SYBU: variants seen among roughly 807,000 people sequenced by gnomAD.
The protein encoded by SYBU is syntabulin, also known as GOLSYN A protein.
A neutral mutation model predicts 35.9 loss-of-function variants in SYBU; 21 were observed. The observed-to-expected ratio is 0.58, with a 90% CI of 0.41 to 0.84. The LOEUF is 0.84. Ranked by LOEUF, SYBU falls within the 40% of genes least tolerant of loss-of-function variation. The pLI, the probability that SYBU is intolerant of heterozygous loss-of-function variation, is 0.00. For missense variants in SYBU, 768 were observed against 848.2 expected, an observed-to-expected ratio of 0.91 and a Z score of 1.17; for synonymous variants, 319 against 324.3, an observed-to-expected ratio of 0.98 and a Z score of 0.18.
chr8:109,627,305 T>C (rs894452071), intron 2 of SYBU, among the ~76,000 whole-genome samples: 3 of 152,234 alleles, frequency 2.0e-5, no homozygotes, highest in Non-Finnish European at 4.4e-5. Context: ...GACACTAATA[T>C]AGCTCTTATT....
chr8:109,595,317 G>A (rs1274707225), intron 3 of SYBU, among the ~76,000 whole-genome samples: 1 of 152,208 alleles, frequency 6.6e-6, no homozygotes, highest in Non-Finnish European at 1.5e-5. Context: ...ATAAGTCAGT[G>A]AGTAAATCCT....
chr8:109,654,822 C>T (rs1816289223), intron 1 of SYBU, among the ~76,000 whole-genome samples: 2 of 152,336 alleles, frequency 1.3e-5, no homozygotes, highest in South Asian at 4.1e-4. Context: ...CTTAACTTTT[C>T]TGTCTCCCCT....
chr8:109,667,868 G>T (rs1279448280), intron 1 of SYBU, among the ~76,000 whole-genome samples: 5 of 152,074 alleles, frequency 3.3e-5, no homozygotes, highest in Non-Finnish European at 5.9e-5. Flanking sequence ...TGAAAAATTT[G>T]AACAGTTTAA....
At chr8:109,610,119 A>G (rs188999536) in intron 3 of SYBU, among the ~76,000 whole-genome samples, 1 of 152,216 alleles carries the variant, frequency 6.6e-6, no homozygotes, top group Admixed American at 6.5e-5. Context: ...AGCACGGAAC[A>G]ATAAGGTTAA....
chr8:109,577,897 C>T lies in SYBU; in HGVS notation c.855G>A (p.Leu285=), dbSNP rs747900124. ...CATGGAGTCGGCGCTCAGATTCCTT[C>T]AGCTTGGTTTTGAGGTGTCTCACTG... ...EVTVRHLKTK[L]KESERRLHER... Residue 285 remains leucine, a synonymous_variant, in exon 6 of 7, where the codon CTG becomes CTA. Coordinates refer to ENST00000276646, the MANE Select transcript of SYBU (RefSeq NM_001099754.2). 6.2e-7 allele frequency: 1 copy of T among 1,613,660 alleles called. No homozygotes were observed. Among genetic ancestry groups the T allele is most frequent in the South Asian group, 1.1e-5 (1 of 90,898 alleles).
At chr8:109,580,146 C>T (rs574093972) in intron 4 of SYBU, 144 bp from the exon 5 acceptor site, 11 of 704,342 alleles carry the variant, frequency 1.6e-5, no homozygotes, top group South Asian at 1.5e-4. Context: ...TCCTTAGGAG[C>T]GGCCTTCTTC....
intron 2 of SYBU, among the ~76,000 whole-genome samples, chr8:109,621,623 C>T (rs1272266759): frequency 1.3e-5 from 2 of 152,182 alleles, no homozygotes; most frequent in African/African-American, 4.8e-5. Context: ...AACCAGCCCA[C>T]AGGCATTGTA....
At chr8:109,684,196 G>A (rs1265998424), upstream of SYBU, among the ~76,000 whole-genome samples, 1 of 152,104 alleles carries the variant, frequency 6.6e-6, no homozygotes, top group East Asian at 1.9e-4. Context: ...CAGAACTATT[G>A]GGCTTAGTTA....
chr8:109,683,673 T>A (rs189965605), upstream of SYBU, among the ~76,000 whole-genome samples: 2 of 151,990 alleles, frequency 1.3e-5, no homozygotes, highest in Middle Eastern at 3.4e-3. Flanking sequence ...GACATGAGAT[T>A]TGGGAGGGGC....
At chr8:109,631,556 C>T (rs898968140) in intron 2 of SYBU, among the ~76,000 whole-genome samples, 1 of 152,160 alleles carries the variant, frequency 6.6e-6, no homozygotes, top group Admixed American at 6.5e-5. Flanking sequence ...GAACACGGGC[C>T]GAGTACTTGG....
At chr8:109,580,097 T>C (rs1391995404) in intron 4 of SYBU, 95 bp from the exon 5 acceptor site, 2 of 1,223,142 alleles carry the variant, frequency 1.6e-6, no homozygotes, top group Non-Finnish European at 2.4e-6. Context: ...ATCCAATTTA[T>C]AGAGTTGAAA....
chr8:109,618,589 C>T (rs1013665447), intron 3 of SYBU, among the ~76,000 whole-genome samples: 1 of 152,128 alleles, frequency 6.6e-6, no homozygotes, highest in African/African-American at 2.4e-5. Flanking sequence ...TATTTCTTCA[C>T]TTTTGTCTCT....
At chr8:109,597,902 A>T (rs1005646582) in intron 3 of SYBU, among the ~76,000 whole-genome samples, 5 of 152,320 alleles carry the variant, frequency 3.3e-5, no homozygotes, top group African/African-American at 1.2e-4. Flanking sequence ...TATGGGATAG[A>T]TTTTAAACCA....
intron 3 of SYBU, among the ~76,000 whole-genome samples, chr8:109,596,142 G>A (rs1824850881): frequency 6.6e-6 from 1 of 152,140 alleles, no homozygotes; most frequent in Non-Finnish European, 1.5e-5. Context: ...AGGTCAGAGA[G>A]TGCCATACGA....
intron 1 of SYBU, among the ~76,000 whole-genome samples, chr8:109,688,771 TAAA>T: frequency 7.3e-6 from 1 of 137,500 alleles, no homozygotes. Flanking sequence ...TTTACACAGA[TAAA>T]AAAAAAAAGA....
At chr8:109,641,265 A>G (rs1814844074) in intron 2 of SYBU, among the ~76,000 whole-genome samples, 1 of 152,206 alleles carries the variant, frequency 6.6e-6, no homozygotes, top group South Asian at 2.1e-4. Flanking sequence ...CCCTTACCAA[A>G]CATGCTCACA....
intron 3 of SYBU, among the ~76,000 whole-genome samples, chr8:109,602,406 A>G (rs898194925): frequency 6.6e-6 from 1 of 151,818 alleles, no homozygotes; most frequent in African/African-American, 2.4e-5. Flanking sequence ...TCCAAGATCA[A>G]TACTAGATTT....
At chr8:109,612,689 G>C (rs1325650983) in intron 3 of SYBU, among the ~76,000 whole-genome samples, 1 of 151,474 alleles carries the variant, frequency 6.6e-6, no homozygotes, top group Non-Finnish European at 1.5e-5. Context: ...ACACTTAAAA[G>C]GCCACCCAGG....
Position 109,602,739 on chromosome 8 carries a change from C to T in SYBU, c.427+16103G>A, listed in dbSNP as rs150002998. Among the ~76,000 whole-genome samples the T allele has an allele frequency of 9.2e-5, 14 of 152,130 alleles. 1 individual carries two copies. The highest frequency in any genetic ancestry group is 5.8e-4 in the East Asian group (3 of 5,176). On this transcript the variant is annotated intron_variant, in intron 3 of 6. Coordinates refer to ENST00000276646, the MANE Select transcript of SYBU (RefSeq NM_001099754.2). Reference sequence around the variant, plus strand: ...TCTGTGTAATCTTTCATGTAAATTTCGTTTGCAAGCACAAACGTCAATACA... The same window carrying T: ...TCTGTGTAATCTTTCATGTAAATTTTGTTTGCAAGCACAAACGTCAATACA...
Sources: allele counts gnomAD v4.1 joint callset (sites outside exome capture counted in the v4.1 genomes callset), GRCh38; gene constraint gnomAD v4.1.1; transcripts MANE v1.5; gene names NCBI Gene and HGNC (gene_info 2026-07-23, HGNC 2026-07-21).